PTPRN2: variants seen among roughly 807,000 people sequenced by gnomAD.
PTPRN2 encodes protein tyrosine phosphatase receptor type N2.
A neutral mutation model predicts 118.8 loss-of-function variants in PTPRN2; 74 were observed. The observed-to-expected ratio is 0.62, with a 90% confidence interval of 0.52 to 0.76. The LOEUF (loss-of-function observed/expected upper bound fraction) is 0.76. PTPRN2 is among the 30% of genes least tolerant of loss of function. The pLI, the probability that PTPRN2 is intolerant of heterozygous loss-of-function variation, is 0.00. For synonymous variants in PTPRN2, 641 were observed against 608.0 expected (o/e 1.05, Z -0.80); for missense variants, 1,481 against 1,394.4 (o/e 1.06, Z -0.99).
chr7:158,127,713 G>A (rs939489222), intron 9 of PTPRN2, among the ~76,000 whole-genome samples: 9 of 152,320 alleles, frequency 5.9e-5, no homozygotes, highest in African/African-American at 2.2e-4. Flanking sequence ...GCATGTGTGT[G>A]TGAGCCGTGG....
intron 21 of PTPRN2, among the ~76,000 whole-genome samples, chr7:157,568,189 C>T (rs1169790784): frequency 1.3e-5 from 2 of 152,162 alleles, no homozygotes; most frequent in Non-Finnish European, 2.9e-5. Context: ...TGCTTTTCCA[C>T]GCTGCTGCTG....
At chr7:158,295,004 C>A (rs1207926651) in intron 3 of PTPRN2, among the ~76,000 whole-genome samples, 1 of 142,200 alleles carries the variant, frequency 7.0e-6, no homozygotes, top group Non-Finnish European at 1.5e-5. Context: ...AGACACTGCA[C>A]CACCTTCCAC....
chr7:158,221,308 C>A (rs1369568543), intron 3 of PTPRN2, among the ~76,000 whole-genome samples: 2 of 148,630 alleles, frequency 1.3e-5, no homozygotes, highest in Non-Finnish European at 3.0e-5. Context: ...CAGGCCTTAG[C>A]AAAGATTTAA....
Position 157,994,758 on chromosome 7 carries a change from C to T in PTPRN2, c.1723+86540G>A, listed in dbSNP as rs1207117352. Among the ~76,000 whole-genome samples the T allele has an allele frequency of 5.4e-3, 33 of 6,098 alleles. 3 individuals carry two copies. The highest frequency in any genetic ancestry group is 0.013 in the African/African-American group (6 of 466). The allele number at this position is 6,098 out of a possible 152,430, so 4.0% of individuals were successfully genotyped here. On this transcript the variant is annotated intron_variant, in intron 11 of 22. Coordinates refer to ENST00000389418, the MANE Select transcript of PTPRN2 (RefSeq NM_002847.5). ...TTACAACTCCTTGTTCCTAAATCAA[C>T]GCTGCGTCCCCAGCTTACAACTCCT...
At chr7:158,094,537 G>A (rs1814471248) in intron 10 of PTPRN2, among the ~76,000 whole-genome samples, 1 of 151,984 alleles carries the variant, frequency 6.6e-6, no homozygotes, top group African/African-American at 2.4e-5. Context: ...TCGAACTCCA[G>A]ACCTTGTGAT....
At chr7:157,660,929 A>G (rs578171974) in intron 13 of PTPRN2, among the ~76,000 whole-genome samples, 7 of 152,218 alleles carry the variant, frequency 4.6e-5, no homozygotes, top group African/African-American at 1.7e-4. Context: ...TAATTTTTGT[A>G]TTTTTAGTAG....
chr7:157,989,740 G>T (rs1354745756), intron 11 of PTPRN2, among the ~76,000 whole-genome samples: 1 of 152,130 alleles, frequency 6.6e-6, no homozygotes, highest in Non-Finnish European at 1.5e-5. Context: ...ACACATCCTT[G>T]TCATGTCCAC....
At chr7:158,559,932 A>G (rs1422615048) in intron 1 of PTPRN2, among the ~76,000 whole-genome samples, 2 of 152,244 alleles carry the variant, frequency 1.3e-5, no homozygotes, top group South Asian at 2.1e-4. Context: ...AGTGTTAACT[A>G]TGCACATTGT....
chr7:158,446,253 G>T (rs1018857976), intron 2 of PTPRN2, among the ~76,000 whole-genome samples: 1 of 152,176 alleles, frequency 6.6e-6, no homozygotes, highest in African/African-American at 2.4e-5. Flanking sequence ...GAGAGACAGA[G>T]AAAAATTACC....
chr7:158,230,972 A>G (rs1829127658), intron 3 of PTPRN2, among the ~76,000 whole-genome samples: 1 of 152,220 alleles, frequency 6.6e-6, no homozygotes, highest in Non-Finnish European at 1.5e-5. Flanking sequence ...AAGGAATAGA[A>G]AAATATATTT....
At chr7:158,072,024 T>C (rs1482321727) in intron 11 of PTPRN2, among the ~76,000 whole-genome samples, 42 of 137,228 alleles carry the variant, frequency 3.1e-4, no homozygotes, top group African/African-American at 8.4e-4. Flanking sequence ...ATGGAGGTGC[T>C]CATGGTGGAG....
chr7:158,199,158 C>T (rs553807800), intron 4 of PTPRN2, among the ~76,000 whole-genome samples: 87 of 152,196 alleles, frequency 5.7e-4, no homozygotes, highest in Admixed American at 1.1e-3. Flanking sequence ...GTTCCTGGTT[C>T]TCAGGTCCTC....
At chr7:158,061,716 C>T (rs970520211) in intron 11 of PTPRN2, among the ~76,000 whole-genome samples, 1 of 152,222 alleles carries the variant, frequency 6.6e-6, no homozygotes, top group African/African-American at 2.4e-5. Context: ...CATCACCGGT[C>T]CCCAGGACCA....
At chr7:158,530,720 G>C (rs1377141703) in intron 1 of PTPRN2, among the ~76,000 whole-genome samples, 10 of 152,206 alleles carry the variant, frequency 6.6e-5, no homozygotes, top group Non-Finnish European at 8.8e-5. Context: ...GGGTTGCAAA[G>C]ACCCAGACCA....
At position 157,980,159 on chromosome 7, in the gene PTPRN2, A is replaced by T. The variant is rs143998514; in HGVS notation, c.1724-81422T>A. Among the ~76,000 whole-genome samples the T allele has an allele frequency of 8.1e-3, 1,238 of 152,330 alleles. 15 individuals carry two copies. Among genetic ancestry groups the T allele is most frequent in the African/African-American group, 0.027 (1,110 of 41,570 alleles). ...ATGGAAATCATGACCATATTATTAC[A>T]TCACTGAGGTTTCTCTGCAAAACAG... On this transcript the variant is annotated intron_variant, in intron 11 of 22. Transcript: ENST00000389418.
intron 2 of PTPRN2, among the ~76,000 whole-genome samples, chr7:158,389,197 C>A (rs959963892): frequency 2.6e-5 from 4 of 152,262 alleles, no homozygotes; most frequent in African/African-American, 4.8e-5. Context: ...ACTGAGGCCA[C>A]ACCACACTTC....
rs1162291818 is a variant in PTPRN2 at position 158,544,857 on chromosome 7, C to A, written c.112+42701G>T. 6.6e-6 allele frequency among the ~76,000 whole-genome samples: 1 copy of A among 152,210 alleles called. No individual in the cohort carries two copies. Among genetic ancestry groups the A allele is most frequent in the Non-Finnish European group, 1.5e-5 (1 of 68,044 alleles). ...AAGCCGCTGCCACCTTCTTCCCTTGCAGTTTTCTGCTAACACTTACACCTG... is the reference window on the plus strand; with the variant it reads ...AAGCCGCTGCCACCTTCTTCCCTTGAAGTTTTCTGCTAACACTTACACCTG... On this transcript the variant is annotated intron_variant, in intron 1 of 22. Transcript: ENST00000389418. This position sits in a 1 kb window ranked among gnomAD's most constrained non-coding sequence, Gnocchi z 4.2.
At chr7:158,422,301 T>C (rs1433337353) in intron 2 of PTPRN2, among the ~76,000 whole-genome samples, 2 of 152,170 alleles carry the variant, frequency 1.3e-5, no homozygotes, top group African/African-American at 4.8e-5. Flanking sequence ...GCAAAAGGCT[T>C]GAACTCTTTG....
At chr7:157,918,653 C>T (rs1287740018) in intron 11 of PTPRN2, among the ~76,000 whole-genome samples, 1 of 151,958 alleles carries the variant, frequency 6.6e-6, no homozygotes, top group Non-Finnish European at 1.5e-5. Flanking sequence ...GTCATGGCGT[C>T]GACACCAAGA....
Sources: gnomAD v4.1 joint callset for allele counts (sites outside exome capture counted in the v4.1 genomes callset) on GRCh38, gnomAD v4.1.1 for gene constraint, Gnocchi (gnomAD v3.1) non-coding constraint, MANE v1.5 for transcripts, NCBI Gene and HGNC (gene_info 2026-07-23, HGNC 2026-07-21) for gene names.